The following ALG14 variants were observed in gnomAD, a reference collection of about 807,000 sequenced individuals.
ALG14 encodes the protein ALG14 UDP-N-acetylglucosaminyltransferase subunit.
Under a neutral mutation model 22.8 loss-of-function variants are expected in ALG14, and 17 were observed. The observed-to-expected ratio is 0.75, with a 90% CI of 0.51 to 1.12. ALG14 has a LOEUF of 1.12. ALG14 is among the 50% of genes most tolerant of loss of function. The pLI is 0.00. For missense variants in ALG14, 288 were observed against 271.8 expected (o/e 1.06, Z -0.42); for synonymous variants, 89 against 103.7 (o/e 0.86, Z 0.86).
intron 2 of ALG14, chr1:95,041,350 A>C (rs1674372082): frequency 6.6e-6 from 1 of 152,326 alleles, no homozygotes; most frequent in African/African-American, 2.4e-5. Flanking sequence ...AAAACCCCAC[A>C]GTTTAAACTA....
At chr1:95,003,920 A>G (rs1673136407) in intron 3 of ALG14, among the ~76,000 whole-genome samples, 1 of 152,246 alleles carries the variant, frequency 6.6e-6, no homozygotes, top group Admixed American at 6.5e-5. Flanking sequence ...AGAATTTGAT[A>G]TCAGCAGTCC....
In ALG14 at chr1:94,977,421, G is replaced by A. The variant is rs1672418449; in HGVS notation, c.*5655C>T. ...GGGAGTCTTCAAGACGTTTTTAGGG[G>A]TTTATGAGGTCAAAACTATTTTCAT... is the stretch of plus-strand genomic sequence containing the variant. On this transcript the variant is annotated 3_prime_UTR_variant, in exon 4 of 4. Coordinates refer to ENST00000370205, the MANE Select transcript of ALG14 (RefSeq NM_144988.4). 6.6e-6 allele frequency: 1 copy of A among 152,156 alleles called. No individual in the cohort carries two copies. Among genetic ancestry groups the A allele is most frequent in the South Asian group, 2.1e-4 (1 of 4,828 alleles). The allele number at this position is 152,156 out of a possible 1,614,324, so 9.4% of individuals were successfully genotyped here.
intron 3 of ALG14, among the ~76,000 whole-genome samples, chr1:95,024,187 C>T (rs907535166): frequency 6.6e-6 from 1 of 152,096 alleles, no homozygotes; most frequent in Non-Finnish European, 1.5e-5. Flanking sequence ...CTGTGTTAGC[C>T]AGGATGGTCT....
At chr1:95,033,496 T>C (rs1013295742) in intron 2 of ALG14, among the ~76,000 whole-genome samples, 3 of 151,514 alleles carry the variant, frequency 2.0e-5, no homozygotes, top group Admixed American at 1.3e-4. Context: ...AATATATATA[T>C]ATATTTGTAT....
chr1:95,009,789 T>G (rs1242472314), intron 3 of ALG14, among the ~76,000 whole-genome samples: 1 of 152,178 alleles, frequency 6.6e-6, no homozygotes, highest in Non-Finnish European at 1.5e-5. Flanking sequence ...TAATAAAGTC[T>G]GTAATTTAGT....
At chr1:95,058,704 A>T (rs984400753) in intron 2 of ALG14, among the ~76,000 whole-genome samples, 4 of 151,038 alleles carry the variant, frequency 2.6e-5, no homozygotes, top group East Asian at 2.0e-4. Flanking sequence ...AAAAAAAAAA[A>T]TACTGAAGGA....
intron 2 of ALG14, among the ~76,000 whole-genome samples, chr1:95,055,710 C>T (rs188231403): frequency 9.2e-5 from 14 of 151,512 alleles, no homozygotes; most frequent in Non-Finnish European, 1.5e-4. Flanking sequence ...TAAAACACCT[C>T]GGCCGGGTGT....
chr1:95,005,299 A>G (rs1233221002), intron 3 of ALG14, among the ~76,000 whole-genome samples: 1 of 152,190 alleles, frequency 6.6e-6, no homozygotes, highest in African/African-American at 2.4e-5. Flanking sequence ...GAAGATGGGG[A>G]GCCTGGAAGC....
chr1:94,992,135 C>T (rs1672790934), intron 3 of ALG14, among the ~76,000 whole-genome samples: 1 of 151,810 alleles, frequency 6.6e-6, no homozygotes, highest in Non-Finnish European at 1.5e-5. Context: ...AATAATGATA[C>T]AAAGTATAGT....
chr1:95,044,828 C>T (rs1374831405), intron 2 of ALG14, among the ~76,000 whole-genome samples: 1 of 151,860 alleles, frequency 6.6e-6, no homozygotes, highest in Admixed American at 6.6e-5. Flanking sequence ...TATAATATTG[C>T]CTGGCAAATG....
chr1:95,005,770 T>C (rs889296144), intron 3 of ALG14, among the ~76,000 whole-genome samples: 1 of 152,100 alleles, frequency 6.6e-6, no homozygotes, highest in African/African-American at 2.4e-5. Flanking sequence ...ACAGGGGGAT[T>C]TGTGTTTGTT....
At chr1:95,062,470 C>T (rs1675197759) in intron 2 of ALG14, among the ~76,000 whole-genome samples, 1 of 152,170 alleles carries the variant, frequency 6.6e-6, no homozygotes, top group East Asian at 1.9e-4. Context: ...CTTCAACAGG[C>T]CCCAATGTGT....
intron 3 of ALG14, among the ~76,000 whole-genome samples, chr1:95,008,326 T>A (rs1673272024): frequency 6.6e-6 from 1 of 152,222 alleles, no homozygotes; most frequent in South Asian, 2.1e-4. Context: ...AGAGGCTAAA[T>A]TTTATGTGAA....
intron 3 of ALG14, among the ~76,000 whole-genome samples, chr1:94,998,982 C>T (rs1394600129): frequency 1.3e-5 from 2 of 152,098 alleles, no homozygotes; most frequent in Non-Finnish European, 2.9e-5. Context: ...ATTACTCATA[C>T]ATTGTTAGGT....
chr1:95,050,863 T>C, intron 2 of ALG14, among the ~76,000 whole-genome samples: 1 of 84,790 alleles, frequency 1.2e-5, no homozygotes, highest in South Asian at 3.4e-4. Flanking sequence ...CCCTGGGTAA[T>C]TTTTTTTTTT....
chr1:95,034,875 T>A (rs1431412820), intron 2 of ALG14, among the ~76,000 whole-genome samples: 1 of 152,066 alleles, frequency 6.6e-6, no homozygotes, highest in Admixed American at 6.6e-5. Flanking sequence ...TTTCCCTGCC[T>A]CTACAGGAAC....
At chr1:95,053,069 T>C (rs1297357418) in intron 2 of ALG14, among the ~76,000 whole-genome samples, 1 of 152,096 alleles carries the variant, frequency 6.6e-6, no homozygotes, top group Non-Finnish European at 1.5e-5. Context: ...TCACAACAAA[T>C]GTATATGTAC....
intron 3 of ALG14, among the ~76,000 whole-genome samples, chr1:95,000,777 TA>T (rs56810994): frequency 0.12 from 7,774 of 64,968 alleles, 143 homozygotes; most frequent in Middle Eastern, 0.13. Flanking sequence ...TATGCCACAC[TA>T]AAAAAAAAAA....
intron 3 of ALG14, among the ~76,000 whole-genome samples, chr1:95,015,986 G>A (rs1004973955): frequency 6.6e-6 from 1 of 152,126 alleles, no homozygotes; most frequent in Non-Finnish European, 1.5e-5. Flanking sequence ...CTACCATGGG[G>A]GCTTCTTATG....
Sources: gnomAD v4.1 joint callset for allele counts (sites outside exome capture counted in the v4.1 genomes callset) on GRCh38, gnomAD v4.1.1 for gene constraint, MANE v1.5 for transcripts, NCBI Gene and HGNC (gene_info 2026-07-23, HGNC 2026-07-21) for gene names.